CNTNAP2: variants seen among roughly 807,000 people sequenced by gnomAD.
CNTNAP2 encodes the protein contactin associated protein 2, also known as contactin-associated protein-like 2.
In CNTNAP2, 98 loss-of-function variants were observed where a neutral mutation model predicts 155.2. The ratio of observed to expected loss-of-function variants is 0.63; its 90% confidence interval spans 0.54 to 0.75. The LOEUF (loss-of-function observed/expected upper bound fraction) is 0.75. Among genes scored for constraint, CNTNAP2 ranks in the 30% least tolerant of loss-of-function variants. CNTNAP2 has a pLI of 0.00. For missense variants in CNTNAP2, 1,727 were observed against 1,688.1 expected, an observed-to-expected ratio of 1.02 and a Z score of -0.40; for synonymous variants, 651 against 631.2, an observed-to-expected ratio of 1.03 and a Z score of -0.47.
At position 147,567,927 on chromosome 7, in the gene CNTNAP2, A is replaced by G. The variant is rs377623967; in HGVS notation, c.1897+5670A>G. On this transcript the variant is annotated intron_variant, in intron 12 of 23. Transcript: ENST00000361727. Reference sequence around the variant, plus strand: ...ATGGCGAAACCCCGTCTCTACTAAAAATACAAAAATTAACTGGGTGTGGTG... The same window carrying G: ...ATGGCGAAACCCCGTCTCTACTAAAGATACAAAAATTAACTGGGTGTGGTG... Among the ~76,000 whole-genome samples the G allele has an allele frequency of 3.4e-3, 513 of 152,230 alleles. 3 individuals carry two copies. The highest frequency in any genetic ancestry group is 0.012 in the African/African-American group (491 of 41,532).
At chr7:146,490,163 A>G (rs1267887877) in intron 1 of CNTNAP2, among the ~76,000 whole-genome samples, 3 of 152,202 alleles carry the variant, frequency 2.0e-5, no homozygotes, top group Non-Finnish European at 4.4e-5. Flanking sequence ...TCCTGCCACT[A>G]TCAACACCTC....
chr7:146,164,518 A>T (rs980520211), intron 1 of CNTNAP2, among the ~76,000 whole-genome samples: 1 of 152,156 alleles, frequency 6.6e-6, no homozygotes, highest in African/African-American at 2.4e-5. Context: ...AACTTCCTTG[A>T]CATTATTAGA....
intron 11 of CNTNAP2, among the ~76,000 whole-genome samples, chr7:147,557,311 G>T (rs1303469854): frequency 6.6e-6 from 1 of 151,982 alleles, no homozygotes; most frequent in Non-Finnish European, 1.5e-5. Context: ...CTAAATTTTT[G>T]CATGCTATGA....
chr7:147,933,573 AG>A (rs1476978660), intron 14 of CNTNAP2, among the ~76,000 whole-genome samples: 1 of 152,150 alleles, frequency 6.6e-6, no homozygotes. Flanking sequence ...CTTAAGAAAA[AG>A]GAAGTCCTGG....
intron 10 of CNTNAP2, among the ~76,000 whole-genome samples, chr7:147,460,139 A>G (rs907331624): frequency 2.0e-5 from 3 of 152,100 alleles, no homozygotes; most frequent in Non-Finnish European, 2.9e-5. Flanking sequence ...CTTAAAAAAA[A>G]AGAAAGAAGA....
At chr7:148,400,494 G>T (rs1177986817) in intron 22 of CNTNAP2, among the ~76,000 whole-genome samples, 1 of 152,162 alleles carries the variant, frequency 6.6e-6, no homozygotes, top group Non-Finnish European at 1.5e-5. Flanking sequence ...TTAACCAAGT[G>T]CTCCAGTCCT....
At chr7:147,934,208 G>T (rs1800563099) in intron 14 of CNTNAP2, among the ~76,000 whole-genome samples, 1 of 152,186 alleles carries the variant, frequency 6.6e-6, no homozygotes, top group Admixed American at 6.5e-5. Context: ...TACAGTTAGA[G>T]TATTAGTCCT....
intron 4 of CNTNAP2, among the ~76,000 whole-genome samples, chr7:147,051,883 T>C (rs1343012725): frequency 6.6e-6 from 1 of 152,134 alleles, no homozygotes; most frequent in Non-Finnish European, 1.5e-5. Flanking sequence ...CTACATTGCC[T>C]ATAAAGTCCA....
chr7:147,642,714 A>G (rs1478363574), intron 13 of CNTNAP2, among the ~76,000 whole-genome samples: 1 of 152,198 alleles, frequency 6.6e-6, no homozygotes, highest in Non-Finnish European at 1.5e-5. Flanking sequence ...TCTGAACAGT[A>G]AATATATCAC....
intron 1 of CNTNAP2, among the ~76,000 whole-genome samples, chr7:146,384,850 C>T (rs1339807933): frequency 1.3e-5 from 2 of 152,094 alleles, no homozygotes; most frequent in African/African-American, 4.8e-5. Context: ...TATTACTTCC[C>T]CTACCATAAT....
At chr7:147,692,622 T>C (rs1443895688) in intron 13 of CNTNAP2, among the ~76,000 whole-genome samples, 1 of 152,128 alleles carries the variant, frequency 6.6e-6, no homozygotes, top group East Asian at 1.9e-4. Flanking sequence ...TTTTTTCTTA[T>C]GCTTATCTGC....
At chr7:147,255,053 G>A (rs1276200116) in intron 8 of CNTNAP2, among the ~76,000 whole-genome samples, 8 of 152,180 alleles carry the variant, frequency 5.3e-5, no homozygotes, top group African/African-American at 1.7e-4. Flanking sequence ...AAAACCTGCA[G>A]CAAGAAGCAA....
intron 15 of CNTNAP2, among the ~76,000 whole-genome samples, chr7:148,053,305 A>G (rs1802929420): frequency 6.6e-6 from 1 of 152,216 alleles, no homozygotes; most frequent in African/African-American, 2.4e-5. Context: ...TGTAAAATAC[A>G]CATTATTCAT....
intron 1 of CNTNAP2, among the ~76,000 whole-genome samples, chr7:146,607,586 C>T (rs1799068874): frequency 6.6e-6 from 1 of 152,078 alleles, no homozygotes; most frequent in Non-Finnish European, 1.5e-5. Flanking sequence ...AAGCATTTCT[C>T]CCACCTAAGC....
intron 1 of CNTNAP2, among the ~76,000 whole-genome samples, chr7:146,390,249 C>A (rs1795520866): frequency 6.6e-6 from 1 of 151,822 alleles, no homozygotes; most frequent in African/African-American, 2.4e-5. Flanking sequence ...TGTAAATTTA[C>A]TTTTAGTAAT....
At chr7:147,884,305 A>C (rs1799570984) in intron 13 of CNTNAP2, among the ~76,000 whole-genome samples, 1 of 152,206 alleles carries the variant, frequency 6.6e-6, no homozygotes, top group African/African-American at 2.4e-5. Flanking sequence ...GCATCCAGGC[A>C]GGTTATAAAG....
At chr7:147,031,244 T>C (rs1584793918) in intron 3 of CNTNAP2, among the ~76,000 whole-genome samples, 1 of 152,050 alleles carries the variant, frequency 6.6e-6, no homozygotes, top group African/African-American at 2.4e-5. Flanking sequence ...TTATAGGAGG[T>C]TTGGAAAGAA....
chr7:147,034,622 G>A (rs560991333), intron 3 of CNTNAP2, among the ~76,000 whole-genome samples: 2 of 152,252 alleles, frequency 1.3e-5, no homozygotes, highest in South Asian at 2.1e-4. Flanking sequence ...CAGAAAAATC[G>A]GATCACATGT....
chr7:147,388,347 T>A (rs1796655635), intron 9 of CNTNAP2, among the ~76,000 whole-genome samples: 1 of 152,086 alleles, frequency 6.6e-6, no homozygotes, highest in African/African-American at 2.4e-5. Context: ...CTCCAAGGAG[T>A]CTTGGTTTTG....
Sources: gnomAD v4.1 joint callset for allele counts (sites outside exome capture counted in the v4.1 genomes callset) on GRCh38, gnomAD v4.1.1 for gene constraint, MANE v1.5 for transcripts, NCBI Gene and HGNC (gene_info 2026-07-23, HGNC 2026-07-21) for gene names.